The following NSUN7 variants were observed in gnomAD, a reference collection of about 807,000 sequenced individuals.
NSUN7 encodes the protein protein NSUN7.
Under a neutral mutation model 58.5 loss-of-function variants are expected in NSUN7, and 39 were observed. That is an observed-to-expected ratio of 0.67 (90% confidence interval 0.52 to 0.87). NSUN7 has a LOEUF of 0.87. Ranked by LOEUF, NSUN7 falls within the 40% of genes least tolerant of loss-of-function variation. NSUN7 has a pLI of 0.00. For missense variants in NSUN7, 765 were observed against 844.1 expected, an observed-to-expected ratio of 0.91 and a Z score of 1.16; for synonymous variants, 278 against 303.7, an observed-to-expected ratio of 0.92 and a Z score of 0.88.
intron 4 of NSUN7, among the ~76,000 whole-genome samples, chr4:40,763,225 T>C (rs1741542375): frequency 6.6e-6 from 1 of 152,190 alleles, no homozygotes; most frequent in Non-Finnish European, 1.5e-5. Context: ...CTCATGTCAG[T>C]GTCATAGCCA....
At chr4:40,763,681 C>T (rs1272384469) in intron 4 of NSUN7, among the ~76,000 whole-genome samples, 1 of 152,158 alleles carries the variant, frequency 6.6e-6, no homozygotes, top group Non-Finnish European at 1.5e-5. Context: ...TTTAAGAGGT[C>T]AGAGGAACCA....
At chr4:40,784,055 C>A (rs1278701857) in intron 7 of NSUN7, among the ~76,000 whole-genome samples, 7 of 151,832 alleles carry the variant, frequency 4.6e-5, no homozygotes, top group Non-Finnish European at 8.8e-5. Context: ...CAAAATCATT[C>A]ATCATTAGGG....
At chr4:40,786,742 G>A (rs1010573817) in intron 7 of NSUN7, 77 of 1,522,810 alleles carry the variant, frequency 5.1e-5, no homozygotes, top group Admixed American at 4.9e-4. Context: ...TCTGTGTGGA[G>A]TAGGTTTTCT....
chr4:40,772,796 C>T (rs1359690174), intron 4 of NSUN7, among the ~76,000 whole-genome samples: 1 of 152,168 alleles, frequency 6.6e-6, no homozygotes, highest in Non-Finnish European at 1.5e-5. Flanking sequence ...AGTGTGCTCC[C>T]CTTCTGTACC....
chr4:40,806,002 T>C (rs1054561108), intron 10 of NSUN7, among the ~76,000 whole-genome samples: 1 of 152,024 alleles, frequency 6.6e-6, no homozygotes, highest in African/African-American at 2.4e-5. Context: ...CCACCACACC[T>C]GGCTAATTTT....
intron 8 of NSUN7, among the ~76,000 whole-genome samples, chr4:40,791,373 G>A (rs1259412136): frequency 3.3e-5 from 5 of 152,128 alleles, no homozygotes; most frequent in Admixed American, 3.3e-4. Flanking sequence ...GGCCCTGGGC[G>A]TGGCACTTTT....
At chr4:40,792,733 C>CAAAAG (rs1743146829) in intron 8 of NSUN7, among the ~76,000 whole-genome samples, 1 of 149,736 alleles carries the variant, frequency 6.7e-6, no homozygotes, top group Non-Finnish European at 1.5e-5. Context: ...GCCTGGGCGA[C>CAAAAG]AGCAAGACTC....
chr4:40,779,125 G>T (rs1160159075), intron 7 of NSUN7, among the ~76,000 whole-genome samples: 2 of 151,868 alleles, frequency 1.3e-5, no homozygotes, highest in African/African-American at 4.8e-5. Context: ...TTTGAGATCA[G>T]CCTGGGTAAC....
intron 2 of NSUN7, among the ~76,000 whole-genome samples, chr4:40,755,956 CTGTT>C (rs1051513096): frequency 5.3e-5 from 8 of 152,138 alleles, no homozygotes; most frequent in Non-Finnish European, 7.4e-5. Flanking sequence ...CTGAGCCTTG[CTGTT>C]TGTTTAGCAT....
chr4:40,790,839 GATTA>G, intron 8 of NSUN7, 94 bp downstream of exon 8: 2 of 958,396 alleles, frequency 2.1e-6, no homozygotes, highest in Non-Finnish European at 3.1e-6. Context: ...AAATACATCT[GATTA>G]ATAAATAATA....
chr4:40,795,478 T>A (rs546232215), intron 9 of NSUN7, among the ~76,000 whole-genome samples: 8 of 152,326 alleles, frequency 5.3e-5, no homozygotes, highest in African/African-American at 1.9e-4. Context: ...AGCATTTTAA[T>A]TAAATTTTAA....
intron 9 of NSUN7, among the ~76,000 whole-genome samples, chr4:40,796,189 A>G (rs1002349672): frequency 1.3e-5 from 2 of 152,128 alleles, no homozygotes; most frequent in Admixed American, 1.3e-4. Context: ...CCCCATCTCT[A>G]CTAAAAATAC....
At chr4:40,755,302 A>T (rs1741087364) in intron 2 of NSUN7, among the ~76,000 whole-genome samples, 1 of 152,078 alleles carries the variant, frequency 6.6e-6, no homozygotes, top group African/African-American at 2.4e-5. Flanking sequence ...TGTTACCAGG[A>T]TGGTCTTGAT....
intron 7 of NSUN7, among the ~76,000 whole-genome samples, chr4:40,782,332 G>A (rs934403495): frequency 6.6e-6 from 1 of 152,054 alleles, no homozygotes; most frequent in Non-Finnish European, 1.5e-5. Flanking sequence ...GGAGGCTGAG[G>A]TGGGTAGATC....
intron 10 of NSUN7, among the ~76,000 whole-genome samples, chr4:40,799,194 T>G (rs890834820): frequency 6.8e-6 from 1 of 146,386 alleles, no homozygotes; most frequent in Non-Finnish European, 1.5e-5. Flanking sequence ...CAAGCAATTC[T>G]CCTGCCTCAG....
At chr4:40,763,051 A>G (rs1270644860) in intron 4 of NSUN7, among the ~76,000 whole-genome samples, 2 of 152,134 alleles carry the variant, frequency 1.3e-5, no homozygotes, top group Non-Finnish European at 2.9e-5. Context: ...TGCTGAGTTA[A>G]AGGGACTGTT....
At chr4:40,755,434 A>G (rs1448068259) in intron 2 of NSUN7, among the ~76,000 whole-genome samples, 5 of 152,136 alleles carry the variant, frequency 3.3e-5, no homozygotes. Flanking sequence ...TTTTAAAGAA[A>G]TGAACAAACA....
At chr4:40,752,667 A>G (rs530385346) in intron 2 of NSUN7, among the ~76,000 whole-genome samples, 1 of 151,736 alleles carries the variant, frequency 6.6e-6, no homozygotes, top group Non-Finnish European at 1.5e-5. Flanking sequence ...TGATCCACCC[A>G]CCTCAGCCTC....
intron 5 of NSUN7, 24 bp from the exon 6 acceptor site, chr4:40,774,743 C>T: frequency 1.5e-6 from 2 of 1,369,148 alleles, no homozygotes; most frequent in Non-Finnish European, 1.0e-6. Flanking sequence ...TTTGTAATTA[C>T]AAGCTAATGT....
Sources: allele counts gnomAD v4.1 joint callset (sites outside exome capture counted in the v4.1 genomes callset), GRCh38; gene constraint gnomAD v4.1.1; transcripts MANE v1.5; gene names NCBI Gene and HGNC (gene_info 2026-07-23, HGNC 2026-07-21).